The following ATAD2B variants were observed in gnomAD, a reference collection of about 807,000 sequenced individuals.
ATAD2B encodes ATPase family AAA domain containing 2B, also known as ATPase family AAA domain-containing protein 2B.
A neutral mutation model predicts 167.6 loss-of-function variants in ATAD2B; 40 were observed. The ratio of observed to expected loss-of-function variants is 0.24; its 90% CI spans 0.19 to 0.31. ATAD2B has a LOEUF of 0.31. Among genes scored for constraint, ATAD2B ranks in the 10% least tolerant of loss-of-function variants. The pLI, the probability that ATAD2B is intolerant of heterozygous loss-of-function variation, is 1.00. For synonymous variants in ATAD2B, 579 were observed against 596.5 expected (o/e 0.97, Z 0.43); for missense variants, 1,242 against 1,757.2 (o/e 0.71, Z 5.24).
intron 19 of ATAD2B, among the ~76,000 whole-genome samples, chr2:23,797,199 C>T (rs1682761088): frequency 6.6e-6 from 1 of 152,034 alleles, no homozygotes; most frequent in South Asian, 2.1e-4. Context: ...ACATGTAAAT[C>T]TTTTATATAA....
intron 1 of ATAD2B, among the ~76,000 whole-genome samples, chr2:23,908,020 T>TA (rs1701741519): frequency 6.6e-6 from 1 of 152,130 alleles, no homozygotes; most frequent in South Asian, 2.1e-4. Flanking sequence ...GCGTTAGACC[T>TA]AAAACCATAA....
the ATAD2B span, among the ~76,000 whole-genome samples, chr2:23,717,686 A>C: frequency 6.6e-6 from 1 of 152,232 alleles, no homozygotes; most frequent in East Asian, 1.9e-4. Flanking sequence ...CTATATAGAT[A>C]TAAGAAAAGA....
intron 1 of ATAD2B, among the ~76,000 whole-genome samples, chr2:23,915,812 C>T (rs1408672700): frequency 2.6e-5 from 4 of 151,716 alleles, no homozygotes; most frequent in Non-Finnish European, 4.4e-5. Flanking sequence ...AGGCTACTCT[C>T]GAACTCCTGA....
chr2:23,711,214 T>G, the ATAD2B span, among the ~76,000 whole-genome samples: 5 of 151,964 alleles, frequency 3.3e-5, no homozygotes, highest in African/African-American at 1.2e-4. Context: ...TTCATGGAAT[T>G]GCAGGCAATT....
chr2:23,765,303 C>A (rs1299650405), intron 23 of ATAD2B, among the ~76,000 whole-genome samples: 1 of 152,194 alleles, frequency 6.6e-6, no homozygotes, highest in East Asian at 1.9e-4. Flanking sequence ...GTAATACACA[C>A]TATCACACTA....
chr2:23,864,429 A>G (rs1332925105), intron 11 of ATAD2B, among the ~76,000 whole-genome samples: 1 of 152,154 alleles, frequency 6.6e-6, no homozygotes, highest in Non-Finnish European at 1.5e-5. Flanking sequence ...AGCTCACTCT[A>G]TTTCAAAAAT....
At chr2:23,772,677 A>C (rs1328724352) in intron 22 of ATAD2B, among the ~76,000 whole-genome samples, 1 of 152,164 alleles carries the variant, frequency 6.6e-6, no homozygotes, top group Admixed American at 6.5e-5. Flanking sequence ...AGTATGGAAG[A>C]CAAGGAATAT....
rs1675330141 is a variant in ATAD2B at position 23,751,306 on chromosome 2, T to C, written c.*740A>G. The C allele has an allele frequency of 6.6e-6, 1 of 152,142 alleles. No homozygotes were observed. Among genetic ancestry groups the C allele is most frequent in the African/African-American group, 2.4e-5 (1 of 41,444 alleles). The allele number at this position is 152,142 out of a possible 1,614,324, so 9.4% of individuals were successfully genotyped here. ...TATATTATGTGGCTTACTGGGTGTC[T>C]TGATTGAGCTTTGAGAATAAGACAG... On this transcript the variant is annotated 3_prime_UTR_variant, in exon 28 of 28. Coordinates refer to ENST00000238789, the MANE Select transcript of ATAD2B (RefSeq NM_017552.4).
chr2:23,785,941 C>A (rs928822660), intron 21 of ATAD2B, 86 bp downstream of exon 21: 2 of 1,265,752 alleles, frequency 1.6e-6, no homozygotes, highest in Non-Finnish European at 2.1e-6. Context: ...CATGCCTTTG[C>A]TTTTTTTTCC....
chr2:23,847,810 C>A (rs1201783940), intron 13 of ATAD2B, among the ~76,000 whole-genome samples: 1 of 150,934 alleles, frequency 6.6e-6, no homozygotes, highest in Non-Finnish European at 1.5e-5. Context: ...TATGGTAAAA[C>A]CCCATCTCTA....
intron 13 of ATAD2B, among the ~76,000 whole-genome samples, chr2:23,847,682 T>TAA (rs755280338): frequency 0.051 from 7,306 of 143,690 alleles, 237 homozygotes; most frequent in Non-Finnish European, 0.075. Flanking sequence ...GCTTTTGTTT[T>TAA]AAAAAAAAAA....
intron 18 of ATAD2B, among the ~76,000 whole-genome samples, chr2:23,806,407 T>G (rs1222194108): frequency 6.6e-6 from 1 of 152,202 alleles, no homozygotes; most frequent in Non-Finnish European, 1.5e-5. Context: ...AGTCTAAGCA[T>G]GAATAGTCTC....
chr2:23,833,856 G>C, intron 14 of ATAD2B, 63 bp downstream of exon 14: 2 of 1,281,956 alleles, frequency 1.6e-6, no homozygotes, highest in Non-Finnish European at 2.1e-6. Flanking sequence ...ATCACCCTCA[G>C]AACATATGCC....
At chr2:23,794,475 T>C (rs1440924082) in intron 19 of ATAD2B, among the ~76,000 whole-genome samples, 2 of 152,220 alleles carry the variant, frequency 1.3e-5, no homozygotes, top group Non-Finnish European at 2.9e-5. Flanking sequence ...TGAAACTTGA[T>C]AATCCCCTGA....
At chr2:23,732,548 T>G in the ATAD2B span, among the ~76,000 whole-genome samples, 1 of 152,214 alleles carries the variant, frequency 6.6e-6, no homozygotes, top group African/African-American at 2.4e-5. Flanking sequence ...CCTATACATT[T>G]GTTTCAAGCA....
chr2:23,762,312 A>G lies in ATAD2B; in HGVS notation c.3291T>C (p.His1097=). ...LSVTSEQINP[H]STGARKTETR... Reference sequence around the variant, plus strand: ...TTTCTGTCTTCCGAGCTCCAGTACTATGAGGATTTATTTGTTCTGATGTTA... The same window carrying G: ...TTTCTGTCTTCCGAGCTCCAGTACTGTGAGGATTTATTTGTTCTGATGTTA... Residue 1097 remains histidine, a synonymous_variant, in exon 24 of 28, where the codon CAT becomes CAC. Coordinates refer to ENST00000238789, the MANE Select transcript of ATAD2B (RefSeq NM_017552.4). The G allele has an allele frequency of 1.9e-6, 3 of 1,613,478 alleles. No homozygotes were observed. Among genetic ancestry groups the G allele is most frequent in the South Asian group, 1.1e-5 (1 of 91,060 alleles).
intron 13 of ATAD2B, chr2:23,856,514 C>T (rs955756820): frequency 6.1e-6 from 2 of 326,126 alleles, no homozygotes; most frequent in African/African-American, 2.3e-5. Context: ...TACACACACA[C>T]ATATACATTA....
rs1279399781 is a variant in ATAD2B, at chr2:23,885,796, G to A, written c.606C>T (p.Asn202=). 9 of 1,594,574 alleles carry A rather than the reference G, an allele frequency of 5.6e-6. No individual in the cohort carries two copies. Among genetic ancestry groups the A allele is most frequent in the Non-Finnish European group, 7.7e-6 (9 of 1,169,046 alleles). Residue 202 remains asparagine, a synonymous_variant, in exon 5 of 28, where the codon AAC becomes AAT. Transcript: ENST00000238789. ...ATCGACGATTCCGTCGGATGTTAAT[G>A]TTGTCCATTTCCTGTAGTACAGCTT... The part of the protein sequence containing the change: ...TAEAVLQEMD[N]INIRRNRRSG...
chr2:23,735,934 A>G, the ATAD2B span, among the ~76,000 whole-genome samples: 1 of 152,194 alleles, frequency 6.6e-6, no homozygotes, highest in African/African-American at 2.4e-5. Flanking sequence ...CTTCTATCTA[A>G]TATACTGGCC....
Sources: allele counts gnomAD v4.1 joint callset (sites outside exome capture counted in the v4.1 genomes callset), GRCh38; gene constraint gnomAD v4.1.1; transcripts MANE v1.5; gene names NCBI Gene and HGNC (gene_info 2026-07-23, HGNC 2026-07-21).